Variants in PIKFYVE observed in about 807,000 individuals in gnomAD.
The protein encoded by PIKFYVE is 1-phosphatidylinositol 3-phosphate 5-kinase.
In PIKFYVE, 122 loss-of-function variants were observed where a neutral mutation model predicts 257.9. The observed-to-expected ratio is 0.47, with a 90% CI of 0.41 to 0.55. The LOEUF is 0.55. Among genes scored for constraint, PIKFYVE ranks in the 20% least tolerant of loss-of-function variants. The pLI, the probability that PIKFYVE is intolerant of heterozygous loss-of-function variation, is 0.00. For synonymous variants in PIKFYVE, 892 were observed against 868.9 expected (o/e 1.03, Z -0.47); for missense variants, 2,160 against 2,536.6 (o/e 0.85, Z 3.19).
intron 21 of PIKFYVE, 118 bp downstream of exon 21, chr2:208,328,398 G>C: frequency 8.4e-7 from 1 of 1,190,926 alleles, no homozygotes; most frequent in South Asian, 1.3e-5. Context: ...GCACACTGCT[G>C]GTCATATATG....
intron 15 of PIKFYVE, among the ~76,000 whole-genome samples, chr2:208,317,237 G>T (rs1695632849): frequency 2.0e-5 from 3 of 151,736 alleles, no homozygotes; most frequent in African/African-American, 4.9e-5. Flanking sequence ...CTACTCATCT[G>T]ACAAAGGGCT....
chr2:208,276,861 AT>A (rs761007705), intron 4 of PIKFYVE, 31 bp downstream of exon 4: 2 of 1,557,554 alleles, frequency 1.3e-6, no homozygotes, highest in Admixed American at 3.4e-5. Context: ...AAGATTACTT[AT>A]TAAGCGCTTA....
intron 29 of PIKFYVE, 58 bp from the exon 30 acceptor site, chr2:208,339,360 A>G (rs1008516285): frequency 1.3e-6 from 2 of 1,583,370 alleles, no homozygotes; most frequent in African/African-American, 2.7e-5. Flanking sequence ...AAAAAATATT[A>G]GGTAGACATG....
intron 6 of PIKFYVE, among the ~76,000 whole-genome samples, chr2:208,287,177 G>A (rs989746905): frequency 1.3e-5 from 2 of 152,056 alleles, no homozygotes; most frequent in Non-Finnish European, 2.9e-5. Flanking sequence ...CGATAGATAT[G>A]AAAGTTATAA....
At chr2:208,307,654 T>C (rs540232289) in intron 12 of PIKFYVE, among the ~76,000 whole-genome samples, 1 of 152,026 alleles carries the variant, frequency 6.6e-6, no homozygotes, top group East Asian at 1.9e-4. Context: ...AAGCAGAATG[T>C]ATTGTGGTAT....
At position 208,314,314 on chromosome 2, in the gene PIKFYVE, G is replaced by A. The variant is rs1273757805; in HGVS notation, c.1717G>A (p.Val573Ile). The A allele has an allele frequency of 1.9e-6, 3 of 1,613,510 alleles. No individual in the cohort carries two copies. Among genetic ancestry groups the A allele is most frequent in the Non-Finnish European group, 2.5e-6 (3 of 1,179,528 alleles). Reference sequence around the variant, plus strand: ...CTTAGAATCCTTATTTAATCGCCGAGTAGAGGAAAAATCCAAAGAGCTGCC... The same window carrying A: ...CTTAGAATCCTTATTTAATCGCCGAATAGAGGAAAAATCCAAAGAGCTGCC... ...FIKESLFNRR[V>I]EEKSKELPFT... The change falls in exon 14 of 42, where the codon GTA becomes ATA. Residue 573 changes from valine (V) to isoleucine (I), a missense_variant. This residue lies in a region of PIKFYVE where 346 missense variants were observed against 365.6 expected (regional missense o/e 0.95). Coordinates refer to ENST00000264380, the MANE Select transcript of PIKFYVE (RefSeq NM_015040.4).
At chr2:208,288,989 C>G (rs1691940162) in intron 7 of PIKFYVE, among the ~76,000 whole-genome samples, 171 bp downstream of exon 7, 1 of 152,212 alleles carries the variant, frequency 6.6e-6, no homozygotes, top group Non-Finnish European at 1.5e-5. Context: ...TTTCCATTCT[C>G]TCAGTGACTT....
At chr2:208,269,157 T>C (rs1479495410) in intron 1 of PIKFYVE, among the ~76,000 whole-genome samples, 1 of 152,218 alleles carries the variant, frequency 6.6e-6, no homozygotes, top group East Asian at 1.9e-4. Flanking sequence ...AAAAGCATTT[T>C]ACCGAGACTG....
At chr2:208,323,020 T>C (rs960506294) in intron 17 of PIKFYVE, among the ~76,000 whole-genome samples, 1 of 151,770 alleles carries the variant, frequency 6.6e-6, no homozygotes, top group Admixed American at 6.6e-5. Context: ...ACAAAGGACA[T>C]GAACTCATCC....
At chr2:208,298,590 T>C (rs761251369) in intron 7 of PIKFYVE, 51 bp from the exon 8 acceptor site, 4 of 1,601,998 alleles carry the variant, frequency 2.5e-6, no homozygotes, top group Non-Finnish European at 3.4e-6. Context: ...TAATTCTGTT[T>C]ATTGAAGAAG....
chr2:208,288,810 T>G lies in PIKFYVE; in HGVS notation c.903T>G (p.Ala301=). Reference sequence around the variant, plus strand: ...AAGAGGATGCTGGGAAATCTCCTGCTCGAAATAGGTAAACTGACAAATGAA... The same window carrying G: ...AAGAGGATGCTGGGAAATCTCCTGCGCGAAATAGGTAAACTGACAAATGAA... The part of the protein sequence containing the change: ...SVQEDAGKSP[A]RNRSASITNL... The change falls in exon 7 of 42, where the codon GCT becomes GCG. Residue 301 remains alanine, a synonymous_variant. Transcript: ENST00000264380. The G allele has an allele frequency of 1.9e-6, 3 of 1,614,056 alleles. No individual in the cohort carries two copies. The highest frequency in any genetic ancestry group is 2.5e-6 in the Non-Finnish European group (3 of 1,179,944).
chr2:208,347,072 A>G (rs1699301376), intron 34 of PIKFYVE, among the ~76,000 whole-genome samples: 1 of 152,162 alleles, frequency 6.6e-6, no homozygotes, highest in Admixed American at 6.5e-5. Flanking sequence ...CTGGTGCTGT[A>G]CACATAGTTA....
At chr2:208,308,889 G>A (rs1241256556) in intron 12 of PIKFYVE, among the ~76,000 whole-genome samples, 2 of 152,034 alleles carry the variant, frequency 1.3e-5, no homozygotes, top group South Asian at 2.1e-4. Flanking sequence ...TGTATTTTTA[G>A]TAGAGACAGG....
chr2:208,295,182 A>G (rs1180411371), intron 7 of PIKFYVE, among the ~76,000 whole-genome samples: 2 of 152,198 alleles, frequency 1.3e-5, no homozygotes, highest in African/African-American at 4.8e-5. Context: ...GATGGACCTA[A>G]GAACAGTTGA....
At position 208,298,751 on chromosome 2, in the gene PIKFYVE, C is replaced by T; in HGVS notation, c.1022C>T (p.Thr341Ile). Residue 341 changes from threonine to isoleucine, a missense_variant, in exon 8 of 42, where the codon ACC becomes ATC. Around this residue, in one of 12 missense-constraint regions of PIKFYVE, gnomAD observed 187 missense variants for 185.6 expected, o/e 1.01. Transcript: ENST00000264380. ...QANRTYVRTE[T>I]TEDERKILLD... Reference sequence around the variant, plus strand: ...AACCGAACATATGTTAGGACAGAGACCACTGAGGATGAACGCAAAATTCTT... The same window carrying T: ...AACCGAACATATGTTAGGACAGAGATCACTGAGGATGAACGCAAAATTCTT... 1 of 1,614,144 alleles carries T rather than the reference C, an allele frequency of 6.2e-7. No homozygotes were observed. The highest frequency in any genetic ancestry group is 8.5e-7 in the Non-Finnish European group (1 of 1,180,012).
At chr2:208,292,771 CCTTCA>C (rs1692479394) in intron 7 of PIKFYVE, among the ~76,000 whole-genome samples, 1 of 150,928 alleles carries the variant, frequency 6.6e-6, no homozygotes, top group Admixed American at 6.6e-5. Flanking sequence ...ACATTTTGAC[CCTTCA>C]CTTATTTTTT....
chr2:208,281,041 T>C (rs549244599), intron 5 of PIKFYVE, among the ~76,000 whole-genome samples: 19 of 152,362 alleles, frequency 1.2e-4, no homozygotes, highest in Admixed American at 1.2e-3. Flanking sequence ...ATTTCTGATC[T>C]ACAAAGAAGA....
intron 35 of PIKFYVE, among the ~76,000 whole-genome samples, chr2:208,349,235 T>C (rs1200613238): frequency 1.3e-5 from 2 of 152,184 alleles, no homozygotes; most frequent in East Asian, 3.8e-4. Flanking sequence ...TTCTATAGGC[T>C]GCTTGCTATT....
intron 16 of PIKFYVE, 115 bp from the exon 17 acceptor site, chr2:208,320,137 T>C: frequency 7.4e-7 from 1 of 1,359,606 alleles, no homozygotes; most frequent in Non-Finnish European, 9.8e-7. Flanking sequence ...AATACTAATA[T>C]GAGATACATT....
Sources: gnomAD v4.1 joint callset for allele counts (sites outside exome capture counted in the v4.1 genomes callset) on GRCh38, gnomAD v4.1.1 for gene constraint, gnomAD v4.1.1 regional missense constraint, MANE v1.5 for transcripts, NCBI Gene and HGNC (gene_info 2026-07-23, HGNC 2026-07-21) for gene names.